FAM98B: variants seen among roughly 807,000 people sequenced by gnomAD.
FAM98B encodes tRNA-splicing ligase complex subunit FAM98B.
Under a neutral mutation model 43.9 loss-of-function variants are expected in FAM98B, and 32 were observed. The ratio of observed to expected loss-of-function variants is 0.73; its 90% CI spans 0.55 to 0.98. FAM98B has a LOEUF of 0.98. Among genes scored for constraint, FAM98B ranks in the 50% least tolerant of loss-of-function variants. The probability of loss-of-function intolerance (pLI) is 0.00; values close to 1 mark genes in which losing one functional copy is unlikely to be tolerated. For synonymous variants in FAM98B, 190 were observed against 174.0 expected (o/e 1.09, Z -0.72); for missense variants, 514 against 522.9 (o/e 0.98, Z 0.17).
In FAM98B at chr15:38,470,375, T is replaced by C. The variant is rs1890111771; in HGVS notation, c.501T>C (p.Ile167=). Residue 167 remains isoleucine (I), a synonymous_variant, in exon 4 of 8, where the codon ATT becomes ATC. Coordinates refer to ENST00000397609, the MANE Select transcript of FAM98B (RefSeq NM_173611.4). ...TACCCAAGTCAACAACTTCTGACAT[T>C]CCGCATATGCTAAACCAAGTGGAAT... is the stretch of plus-strand genomic sequence containing the variant. ...LGIPKSTTSD[I]PHMLNQVESK... is the part of the protein sequence containing the mutation. 1.2e-6 allele frequency: 2 copies of C among 1,601,780 alleles called. No individual in the cohort carries two copies. Among genetic ancestry groups the C allele is most frequent in the Non-Finnish European group, 1.7e-6 (2 of 1,176,840 alleles).
At chr15:38,464,555 A>C (rs1163548588) in intron 2 of FAM98B, among the ~76,000 whole-genome samples, 1 of 151,882 alleles carries the variant, frequency 6.6e-6, no homozygotes, top group East Asian at 1.9e-4. Context: ...ATAATTCCTA[A>C]TTTGTGTTCT....
chr15:38,477,480 A>C (rs1358387292), intron 6 of FAM98B, among the ~76,000 whole-genome samples: 1 of 151,952 alleles, frequency 6.6e-6, no homozygotes, highest in African/African-American at 2.4e-5. Context: ...TTTATAATTT[A>C]GTGTCTTCAG....
chr15:38,462,778 A>T (rs1889969573), intron 1 of FAM98B, among the ~76,000 whole-genome samples: 1 of 152,218 alleles, frequency 6.6e-6, no homozygotes. Flanking sequence ...TCTCTGAAAA[A>T]GGCATAGAAA....
intron 1 of FAM98B, among the ~76,000 whole-genome samples, chr15:38,456,348 A>G (rs966865898): frequency 4.6e-5 from 7 of 152,234 alleles, no homozygotes; most frequent in South Asian, 4.1e-4. Context: ...TCTAGTATAT[A>G]CCATAGACTG....
In FAM98B at chr15:38,481,304, G is replaced by T. The variant is rs1890281303; in HGVS notation, c.742G>T (p.Asp248Tyr). 1 of 1,613,448 alleles carries T rather than the reference G, an allele frequency of 6.2e-7. No homozygotes were observed. The highest frequency in any genetic ancestry group is 1.1e-5 in the South Asian group (1 of 91,062). The change falls in exon 7 of 8, where the codon GAT becomes TAT. Residue 248 changes from aspartate (D) to tyrosine (Y), a missense_variant. Physicochemically the swap from Asp to Tyr is radical, Grantham distance 160 (BLOSUM62 -3). Around this residue, in one of 2 missense-constraint regions of FAM98B, gnomAD observed 469 missense variants for 451.8 expected, o/e 1.04. Transcript: ENST00000397609. ...TCTTGTCATTTAGGTAAAAACAGAT[G>T]ATATAGCAAGAATTTATCAGCCTAA... ...WSDRAKVKTD[D>Y]IARIYQPKRY...
chr15:38,457,272 T>A (rs1595795100), intron 1 of FAM98B, among the ~76,000 whole-genome samples: 2 of 152,304 alleles, frequency 1.3e-5, no homozygotes, highest in African/African-American at 4.8e-5. Flanking sequence ...CTGCCTTGGC[T>A]TCTCAAAGTG....
At chr15:38,455,404 C>G (rs1435408721) in intron 1 of FAM98B, among the ~76,000 whole-genome samples, 1 of 152,190 alleles carries the variant, frequency 6.6e-6, no homozygotes, top group African/African-American at 2.4e-5. Flanking sequence ...TCCCACACCC[C>G]ACTTTATCTT....
At chr15:38,482,242 A>G (rs781595027) in intron 7 of FAM98B, 1 of 152,392 alleles carries the variant, frequency 6.6e-6, no homozygotes, top group Non-Finnish European at 1.5e-5. Flanking sequence ...TAAGTTAGGC[A>G]TCACCAGTGT....
chr15:38,483,013 C>T (rs1473526159), intron 7 of FAM98B: 1 of 152,188 alleles, frequency 6.6e-6, no homozygotes, highest in Non-Finnish European at 1.5e-5. Context: ...GAGAATCCTT[C>T]TCTCTCTTTG....
At chr15:38,476,544 T>A (rs986428374) in intron 6 of FAM98B, among the ~76,000 whole-genome samples, 1 of 152,126 alleles carries the variant, frequency 6.6e-6, no homozygotes, top group African/African-American at 2.4e-5. Flanking sequence ...TCTCCTTTTT[T>A]AATTCAGTTT....
At chr15:38,469,350 G>A (rs1890087667) in intron 3 of FAM98B, among the ~76,000 whole-genome samples, 1 of 152,158 alleles carries the variant, frequency 6.6e-6, no homozygotes, top group South Asian at 2.1e-4. Context: ...AAACAGTTTG[G>A]GGTGATTTAT....
At position 38,476,698 on chromosome 15, in the gene FAM98B, C is replaced by T. The variant is rs1291621981; in HGVS notation, c.729+2400C>T. On this transcript the variant is annotated intron_variant, in intron 6 of 7. Coordinates refer to ENST00000397609, the MANE Select transcript of FAM98B (RefSeq NM_173611.4). ...CTATCATCTTGATTAAAGATAGAAACTTTGCTTTTTTTTTTTTTTGCTTTC... is the reference window on the plus strand; with the variant it reads ...CTATCATCTTGATTAAAGATAGAAATTTTGCTTTTTTTTTTTTTTGCTTTC... 4.6e-5 allele frequency among the ~76,000 whole-genome samples: 6 copies of T among 131,758 alleles called. No individual in the cohort carries two copies. The East Asian group carries it at 1.3e-3, about 29-fold the overall frequency. The allele number at this position is 131,758 out of a possible 152,430, so 86.4% of individuals were successfully genotyped here. A position where few individuals can be genotyped will look rare whatever the true frequency, so the allele number is the denominator to read the frequency against.
chr15:38,457,475 T>C lies in FAM98B; in HGVS notation c.71+3243T>C, dbSNP rs1450352035. On this transcript the variant is annotated intron_variant, in intron 1 of 7. Coordinates refer to ENST00000397609, the MANE Select transcript of FAM98B (RefSeq NM_173611.4). ...TGGAGGTAATGATGATATCAAAGAA[T>C]AGTTATAGGTGAGTGGTCGAAGAAG... Among the ~76,000 whole-genome samples, 5 of 152,034 alleles carry C rather than the reference T, an allele frequency of 3.3e-5. 1 individual carries two copies. The South Asian group carries it at 6.2e-4, about 19-fold the overall frequency.
chr15:38,477,105 G>A (rs776238265), intron 6 of FAM98B, among the ~76,000 whole-genome samples: 2 of 151,704 alleles, frequency 1.3e-5, no homozygotes, highest in African/African-American at 4.8e-5. Flanking sequence ...CAAAACCAGC[G>A]TGATCAACAT....
intron 3 of FAM98B, among the ~76,000 whole-genome samples, chr15:38,466,550 A>G (rs184221180): frequency 6.6e-6 from 1 of 152,266 alleles, no homozygotes; most frequent in East Asian, 1.9e-4. Context: ...TGGTACAAGT[A>G]GGAATAAAAA....
chr15:38,484,245 C>A lies in FAM98B; in HGVS notation c.898-10C>A. ...TATTAGGAACTAAAAGAAAATGTTT[C>A]TTCACACAGGTGCTGATGGGAAGGG... is the stretch of plus-strand genomic sequence containing the variant. On this transcript the variant is annotated splice_polypyrimidine_tract_variant and intron_variant, in intron 7 of 7. Coordinates refer to ENST00000397609, the MANE Select transcript of FAM98B (RefSeq NM_173611.4). 6.5e-7 allele frequency: 1 copy of A among 1,545,808 alleles called. No individual in the cohort carries two copies. The highest frequency in any genetic ancestry group is 1.2e-5 in the South Asian group (1 of 83,598).
chr15:38,454,153 C>A lies in FAM98B; in HGVS notation c.-9C>A, dbSNP rs757329781. 1 of 1,592,258 alleles carries A rather than the reference C, an allele frequency of 6.3e-7. No homozygotes were observed. Among genetic ancestry groups the A allele is most frequent in the African/African-American group, 1.3e-5 (1 of 74,966 alleles). Reference sequence around the variant, plus strand: ...CTTAGAGCGCCGAACAGCTCTGGGCCAAAGGACCATGAGAGGGCCGGAGCC... The same window carrying A: ...CTTAGAGCGCCGAACAGCTCTGGGCAAAAGGACCATGAGAGGGCCGGAGCC... On this transcript the variant is annotated 5_prime_UTR_variant, in exon 1 of 8. Coordinates refer to ENST00000397609, the MANE Select transcript of FAM98B (RefSeq NM_173611.4).
At chr15:38,466,540 T>C (rs1042536072) in intron 3 of FAM98B, among the ~76,000 whole-genome samples, 1 of 152,136 alleles carries the variant, frequency 6.6e-6, no homozygotes. Context: ...TACAGGTTTC[T>C]GGTACAAGTA....
At chr15:38,468,268 C>T (rs1890070329) in intron 3 of FAM98B, among the ~76,000 whole-genome samples, 2 of 152,192 alleles carry the variant, frequency 1.3e-5, no homozygotes, top group African/African-American at 4.8e-5. Context: ...TGGGGTCTCA[C>T]TGTGTTGCCC....
Sources: gnomAD v4.1 joint callset for allele counts (sites outside exome capture counted in the v4.1 genomes callset) on GRCh38, gnomAD v4.1.1 for gene constraint, gnomAD v4.1.1 regional missense constraint, MANE v1.5 for transcripts, NCBI Gene and HGNC (gene_info 2026-07-23, HGNC 2026-07-21) for gene names.